Variants in KPNA5 observed in about 807,000 individuals in gnomAD.
KPNA5 encodes importin subunit alpha-6.
Under a neutral mutation model 71.3 loss-of-function variants are expected in KPNA5, and 46 were observed. The ratio of observed to expected loss-of-function variants is 0.65; its 90% CI spans 0.51 to 0.83. The LOEUF (loss-of-function observed/expected upper bound fraction) is 0.83. Among genes scored for constraint, KPNA5 ranks in the 40% least tolerant of loss-of-function variants. The probability of loss-of-function intolerance (pLI) is 0.00; values close to 1 mark genes in which losing one functional copy is unlikely to be tolerated. For missense variants in KPNA5, 547 were observed against 628.3 expected, an observed-to-expected ratio of 0.87 and a Z score of 1.38; for synonymous variants, 207 against 201.4, an observed-to-expected ratio of 1.03 and a Z score of -0.24.
chr6:116,685,058 T>C (rs922819448), intron 1 of KPNA5, among the ~76,000 whole-genome samples: 1 of 152,230 alleles, frequency 6.6e-6, no homozygotes, highest in African/African-American at 2.4e-5. Flanking sequence ...TGAAAACTTA[T>C]GTTTACACAA....
Position 116,716,265 on chromosome 6 carries a change from T to C in KPNA5, c.703T>C (p.Trp235Arg). ...ACTCACAACAACAAGAAATGCCGTGTGGGCCCTCTCAAATTTATGTAGAGG... is the reference window on the plus strand; with the variant it reads ...ACTCACAACAACAAGAAATGCCGTGCGGGCCCTCTCAAATTTATGTAGAGG... ...NRLTTTRNAVWALSNLCRGKN... is the reference protein window; with the variant it reads ...NRLTTTRNAVRALSNLCRGKN... Residue 235 changes from tryptophan to arginine, a missense_variant, in exon 8 of 14, where the codon TGG (tryptophan) becomes CGG (arginine). Coordinates refer to ENST00000368564, the MANE Select transcript of KPNA5 (RefSeq NM_001366306.2). The C allele has an allele frequency of 1.9e-6, 3 of 1,613,652 alleles. No individual in the cohort carries two copies. Among genetic ancestry groups the C allele is most frequent in the Non-Finnish European group, 2.5e-6 (3 of 1,179,848 alleles).
At chr6:116,681,547 G>A in intron 1 of KPNA5, 1 of 1,341,238 alleles carries the variant, frequency 7.5e-7, no homozygotes, top group Non-Finnish European at 9.6e-7. Flanking sequence ...CGGACGCGAA[G>A]GCGTGGTGAG....
chr6:116,683,260 T>C (rs1777428429), intron 1 of KPNA5, among the ~76,000 whole-genome samples: 1 of 152,238 alleles, frequency 6.6e-6, no homozygotes, highest in African/African-American at 2.4e-5. Context: ...GAAATAAATA[T>C]ATTGAGGATG....
rs1405760643 is a variant in KPNA5 at position 116,738,123 on chromosome 6, AAGAG to A, written c.*5804_*5807del. The A allele has an allele frequency of 6.6e-6, 1 of 152,256 alleles. No individual in the cohort carries two copies. Among genetic ancestry groups the A allele is most frequent in the South Asian group, 2.1e-4 (1 of 4,828 alleles). 9.4% of individuals were successfully genotyped at this position (152,256 alleles called of 1,614,324 possible). On this transcript the variant is annotated 3_prime_UTR_variant, in exon 14 of 14. Coordinates refer to ENST00000368564, the MANE Select transcript of KPNA5 (RefSeq NM_001366306.2). The stretch of plus-strand genomic sequence containing the variant: ...CGTTAGCAAGACTAATAAAGAAGAA[AAGAG>A]AGAAGAATCAAATAGACGCAATAAA...
rs751834300 is a variant in KPNA5 at position 116,732,167 on chromosome 6, T to C, written c.1464T>C (p.His488=). The C allele has an allele frequency of 8.5e-6, 13 of 1,536,234 alleles. No homozygotes were observed. Among genetic ancestry groups the C allele is most frequent in the African/African-American group, 1.4e-5 (1 of 69,540 alleles). Residue 488 remains histidine, a synonymous_variant, in exon 14 of 14, where the codon CAT becomes CAC. Coordinates refer to ENST00000368564, the MANE Select transcript of KPNA5 (RefSeq NM_001366306.2). ...ATAAAATTGAGTTTTTGCAAAGCCA[T>C]GAAAATCAGGAAATTTACCAGAAGG... ...GLDKIEFLQS[H]ENQEIYQKAF... is the part of the protein sequence containing the mutation.
intron 4 of KPNA5, among the ~76,000 whole-genome samples, chr6:116,697,947 T>C (rs949473871): frequency 3.9e-5 from 6 of 152,016 alleles, no homozygotes; most frequent in African/African-American, 1.4e-4. Context: ...CTGTGAATTA[T>C]CACAAATAGT....
chr6:116,701,468 TA>T (rs960116844), intron 5 of KPNA5, among the ~76,000 whole-genome samples: 215 of 151,978 alleles, frequency 1.4e-3, no homozygotes, highest in African/African-American at 5.1e-3. Flanking sequence ...CTCTGCAGCT[TA>T]AAAAAAATAT....
At chr6:116,684,166 G>A (rs1583395844) in intron 1 of KPNA5, among the ~76,000 whole-genome samples, 2 of 151,882 alleles carry the variant, frequency 1.3e-5, no homozygotes, top group South Asian at 4.2e-4. Context: ...ACTCTCCTTG[G>A]CCTTCTAAAG....
rs191469407 is a variant in KPNA5, at chr6:116,685,771, A to G, written c.5-3549A>G. Among the ~76,000 whole-genome samples, 8 of 152,306 alleles carry G rather than the reference A, an allele frequency of 5.3e-5. No individual in the cohort carries two copies. In the East Asian group the frequency reaches 7.7e-4, roughly 15 times the overall value. The stretch of plus-strand genomic sequence containing the variant: ...ATTTGTGTGCACATGTTTTTATGGT[A>G]GAATGATTTATATCCCTCTGGATAT... On this transcript the variant is annotated intron_variant, in intron 1 of 13. Coordinates refer to ENST00000368564, the MANE Select transcript of KPNA5 (RefSeq NM_001366306.2).
chr6:116,689,939 A>G (rs1458983356), intron 2 of KPNA5, among the ~76,000 whole-genome samples: 12 of 152,254 alleles, frequency 7.9e-5, no homozygotes, highest in Admixed American at 5.2e-4. Flanking sequence ...TTAAGAGAGT[A>G]CATCTCAACA....
At chr6:116,695,843 A>G (rs542387110) in intron 4 of KPNA5, among the ~76,000 whole-genome samples, 1 of 152,134 alleles carries the variant, frequency 6.6e-6, no homozygotes, top group African/African-American at 2.4e-5. Context: ...TTTGACATAC[A>G]TGTCATACTG....
rs1779570549 is a variant in KPNA5, at chr6:116,733,596, T to C, written c.*1273T>C. 1 of 151,190 alleles carries C rather than the reference T, an allele frequency of 6.6e-6. No homozygotes were observed. The allele number at this position is 151,190 out of a possible 1,614,324, so 9.4% of individuals were successfully genotyped here. A position where few individuals can be genotyped will look rare whatever the true frequency, so the allele number is the denominator to read the frequency against. On this transcript the variant is annotated 3_prime_UTR_variant, in exon 14 of 14. Coordinates refer to ENST00000368564, the MANE Select transcript of KPNA5 (RefSeq NM_001366306.2). ...GGTTTCAATAGAAAAATTATATATATATTTATACATATATATGTGTGTGTG... is the reference window on the plus strand; with the variant it reads ...GGTTTCAATAGAAAAATTATATATACATTTATACATATATATGTGTGTGTG...
chr6:116,734,359 A>G lies in KPNA5; in HGVS notation c.*2036A>G, dbSNP rs1368027452. The G allele has an allele frequency of 6.6e-6, 1 of 151,830 alleles. No individual in the cohort carries two copies. The highest frequency in any genetic ancestry group is 2.4e-5 in the African/African-American group (1 of 41,436). 9.4% of individuals were successfully genotyped at this position (151,830 alleles called of 1,614,324 possible). ...ACAAGATAGTTCTTATAGAAGGAGA[A>G]ATAATAAATATGTGTGTGTTGATGC... On this transcript the variant is annotated 3_prime_UTR_variant, in exon 14 of 14. Coordinates refer to ENST00000368564, the MANE Select transcript of KPNA5 (RefSeq NM_001366306.2).
At chr6:116,728,826 C>T (rs975064054) in intron 12 of KPNA5, among the ~76,000 whole-genome samples, 43 of 152,168 alleles carry the variant, frequency 2.8e-4, no homozygotes, top group African/African-American at 1.0e-3. Flanking sequence ...GGCACACAGC[C>T]TGGCTTCATA....
intron 1 of KPNA5, among the ~76,000 whole-genome samples, chr6:116,687,940 C>T (rs2114361977): frequency 6.6e-6 from 1 of 152,324 alleles, no homozygotes; most frequent in South Asian, 2.1e-4. Context: ...AATTTCACAG[C>T]TGCATTATAG....
At chr6:116,722,701 C>A (rs1273810323) in intron 9 of KPNA5, among the ~76,000 whole-genome samples, 1 of 152,084 alleles carries the variant, frequency 6.6e-6, no homozygotes, top group Non-Finnish European at 1.5e-5. Flanking sequence ...TAGTGAAAAT[C>A]ATTTAGTATT....
rs1214718130 is a variant in KPNA5, at chr6:116,741,082, ATTCGTTGATACT to A, written c.*8761_*8772del. 1.3e-5 allele frequency: 2 copies of A among 152,174 alleles called. No homozygotes were observed. The highest frequency in any genetic ancestry group is 2.9e-5 in the Non-Finnish European group (2 of 68,028). 9.4% of individuals were successfully genotyped at this position (152,174 alleles called of 1,614,324 possible). A position where few individuals can be genotyped will look rare whatever the true frequency, so the allele number is the denominator to read the frequency against. ...TGTGATGTGATTACATGAGTTTGAA[ATTCGTTGATACT>A]TGCTTTATGATCTGATATGTGTTGG... On this transcript the variant is annotated 3_prime_UTR_variant, in exon 14 of 14. Coordinates refer to ENST00000368564, the MANE Select transcript of KPNA5 (RefSeq NM_001366306.2).
chr6:116,694,095 T>G (rs1777922506), intron 4 of KPNA5, among the ~76,000 whole-genome samples: 7 of 152,236 alleles, frequency 4.6e-5, no homozygotes, highest in Admixed American at 3.9e-4. Context: ...CATTGGTCTA[T>G]ATCTCTGTTT....
At position 116,729,663 on chromosome 6, in the gene KPNA5, T is replaced by C. The variant is rs781676999; in HGVS notation, c.1354T>C (p.Leu452=). ...QVALNGLENI[L]RLGEQESKQN... ...GGCTTTAAATGGACTTGAAAATATT[T>C]TACGTCTTGGAGAACAAGAATCTAA... Residue 452 remains leucine (L), a synonymous_variant, in exon 13 of 14, where the codon TTA becomes CTA. Coordinates refer to ENST00000368564, the MANE Select transcript of KPNA5 (RefSeq NM_001366306.2). 2.2e-5 allele frequency: 36 copies of C among 1,611,126 alleles called. 1 individual carries two copies. In the South Asian group the frequency reaches 4.0e-4, roughly 18 times the overall value.
Sources: gnomAD v4.1 joint callset for allele counts (sites outside exome capture counted in the v4.1 genomes callset) on GRCh38, gnomAD v4.1.1 for gene constraint, MANE v1.5 for transcripts, NCBI Gene and HGNC (gene_info 2026-07-23, HGNC 2026-07-21) for gene names.